BANP: variants seen among roughly 807,000 people sequenced by gnomAD.
The protein encoded by BANP is BTG3 associated nuclear protein.
Under a neutral mutation model 68.1 loss-of-function variants are expected in BANP, and 11 were observed. The ratio of observed to expected loss-of-function variants is 0.16; its 90% CI spans 0.10 to 0.27. The LOEUF (loss-of-function observed/expected upper bound fraction) is 0.27, where lower values mean the gene tolerates loss of function less well. Among genes scored for constraint, BANP ranks in the 10% least tolerant of loss-of-function variants. The pLI, the probability that BANP is intolerant of heterozygous loss-of-function variation, is 1.00. For missense variants in BANP, 504 were observed against 722.7 expected, an observed-to-expected ratio of 0.70 and a Z score of 3.47; for synonymous variants, 329 against 303.2, an observed-to-expected ratio of 1.09 and a Z score of -0.88.
intron 4 of BANP, among the ~76,000 whole-genome samples, chr16:87,996,481 G>C (rs953261388): frequency 1.2e-5 from 1 of 80,316 alleles, no homozygotes; most frequent in African/African-American, 5.0e-5. Context: ...GGTTCTGAGT[G>C]TTGCTGGGCC....
intron 1 of BANP, among the ~76,000 whole-genome samples, chr16:87,972,659 C>G (rs540071855): frequency 2.0e-5 from 3 of 152,108 alleles, no homozygotes; most frequent in African/African-American, 7.2e-5. Flanking sequence ...TGGGTTCTTT[C>G]CTGTGTTGTT....
chr16:87,980,601 G>GT, intron 2 of BANP: 1 of 204,334 alleles, frequency 4.9e-6, no homozygotes, highest in South Asian at 7.6e-5. Context: ...GATATTCAGT[G>GT]TATTTTTTCC....
intron 4 of BANP, among the ~76,000 whole-genome samples, chr16:87,995,520 C>G (rs1300013509): frequency 2.6e-5 from 4 of 152,138 alleles, no homozygotes; most frequent in Non-Finnish European, 5.9e-5. Flanking sequence ...TGTTGAAATA[C>G]TTTTCCTTGA....
Position 88,064,724 on chromosome 16 carries a change from G to C in BANP, c.1312-543G>C, listed in dbSNP as rs905522547. The stretch of plus-strand genomic sequence containing the variant: ...GGAGCTCTCATGGCTGGCAGTGCCA[G>C]ATGGGAGCCTGGTGCCTTCATGCGG... On this transcript the variant is annotated intron_variant, in intron 11 of 13. Transcript: ENST00000682872. The surrounding 1 kb of genome is among the most constrained non-coding windows in gnomAD (Gnocchi z 4.5). Among the ~76,000 whole-genome samples, 1 of 152,216 alleles carries C rather than the reference G, an allele frequency of 6.6e-6. No homozygotes were observed.
rs547530527 is a variant in BANP at position 88,030,117 on chromosome 16, T to A, written c.1063+2467T>A. Among the ~76,000 whole-genome samples, 6 of 152,322 alleles carry A rather than the reference T, an allele frequency of 3.9e-5. No individual in the cohort carries two copies. The East Asian group carries it at 1.2e-3, about 29-fold the overall frequency. On this transcript the variant is annotated intron_variant, in intron 8 of 13. Transcript: ENST00000682872. ...TTAAGACAGCCTGAGAAAGATCACA[T>A]TGAACCACAAGTAACAACACTTTTA...
At chr16:87,968,449 A>T (rs1292871483) in intron 1 of BANP, among the ~76,000 whole-genome samples, 1 of 146,484 alleles carries the variant, frequency 6.8e-6, no homozygotes, top group African/African-American at 2.6e-5. Flanking sequence ...GTGCCATTGC[A>T]CTCCAGCCTG....
At chr16:87,969,252 TTGTTG>T (rs200416721) in intron 1 of BANP, among the ~76,000 whole-genome samples, 3,014 of 152,176 alleles carry the variant, frequency 0.02, 90 homozygotes, top group African/African-American at 0.068. Context: ...GTTGTTGTTG[TTGTTG>T]TTTGTATGTA....
At position 88,069,845 on chromosome 16, in the gene BANP, A is replaced by AT. The variant is rs899335588; in HGVS notation, c.1378-2214dup. 7.2e-4 allele frequency among the ~76,000 whole-genome samples: 107 copies of AT among 149,424 alleles called. No homozygotes were observed. The East Asian group carries it at 0.014, about 20-fold the overall frequency. On this transcript the variant is annotated intron_variant, in intron 12 of 13. Transcript: ENST00000682872. ...ACTATGAGGATCCACTTATACGTGC[A>AT]TTTTTTTTTTCAGTAAAAATTATAC...
Position 88,072,110 on chromosome 16 carries a change from C to T in BANP, c.1419C>T (p.Asp473=). Residue 473 remains aspartate (D), a synonymous_variant, in exon 13 of 14, where the codon GAC becomes GAT. Coordinates refer to ENST00000682872, the MANE Select transcript of BANP (RefSeq NM_001386991.1). ...GAQLIAVASS[D]PAAAGVDGSP... is the part of the protein sequence containing the mutation. Reference sequence around the variant, plus strand: ...AGCTGATCGCCGTGGCCTCCTCGGACCCCGCGGCGGCGGGCGTGGATGGGT... The same window carrying T: ...AGCTGATCGCCGTGGCCTCCTCGGATCCCGCGGCGGCGGGCGTGGATGGGT... 5 of 1,604,510 alleles carry T rather than the reference C, an allele frequency of 3.1e-6. No individual in the cohort carries two copies. Among genetic ancestry groups the T allele is most frequent in the Non-Finnish European group, 2.5e-6 (3 of 1,176,826 alleles).
chr16:88,043,575 T>G (rs2081304577), intron 11 of BANP, among the ~76,000 whole-genome samples: 1 of 152,154 alleles, frequency 6.6e-6, no homozygotes, highest in African/African-American at 2.4e-5. Context: ...TCGGAATGAT[T>G]TAGGTAGAGG....
At chr16:88,076,560 T>C (rs776551558) in intron 13 of BANP, 30 bp from the exon 14 acceptor site, 3 of 1,603,834 alleles carry the variant, frequency 1.9e-6, no homozygotes, top group Middle Eastern at 1.7e-4. Context: ...GGTATTTTTC[T>C]AGAAAGTCCC....
chr16:88,054,763 C>T (rs1473372538), intron 11 of BANP, among the ~76,000 whole-genome samples: 2 of 152,220 alleles, frequency 1.3e-5, no homozygotes, highest in Non-Finnish European at 2.9e-5. Flanking sequence ...GTGGGCATGG[C>T]TTCTGTCCTT....
chr16:88,072,253 A>G (rs886770826), intron 13 of BANP, 41 bp downstream of exon 13: 7 of 1,566,698 alleles, frequency 4.5e-6, no homozygotes, highest in Non-Finnish European at 5.2e-6. Context: ...AAGTGATGGC[A>G]TGGCCGCCTG....
intron 3 of BANP, among the ~76,000 whole-genome samples, chr16:87,982,939 C>T (rs544746882): frequency 6.6e-6 from 1 of 152,312 alleles, no homozygotes; most frequent in East Asian, 1.9e-4. Context: ...TTGGGAAAGC[C>T]GTTCCGGCTC....
At chr16:88,042,629 A>T (rs550143407) in intron 11 of BANP, among the ~76,000 whole-genome samples, 6 of 152,246 alleles carry the variant, frequency 3.9e-5, no homozygotes, top group Admixed American at 6.5e-5. Flanking sequence ...CTGAATATTT[A>T]AAAAAAATGT....
At chr16:87,972,019 T>C (rs11648162) in intron 1 of BANP, among the ~76,000 whole-genome samples, 102,689 of 151,808 alleles carry the variant, frequency 0.68, 35,560 homozygotes, top group African/African-American at 0.8. Context: ...TCTTGAGCTA[T>C]CAACCTCAAA....
chr16:88,013,092 G>A (rs2073602933), intron 6 of BANP, among the ~76,000 whole-genome samples: 1 of 152,244 alleles, frequency 6.6e-6, no homozygotes, highest in African/African-American at 2.4e-5. Flanking sequence ...TCTAGGAAGA[G>A]ACACTAGAAA....
intron 11 of BANP, 59 bp downstream of exon 11, chr16:88,038,070 C>A (rs941360581): frequency 1.3e-6 from 2 of 1,532,382 alleles, no homozygotes; most frequent in Non-Finnish European, 8.9e-7. Context: ...ATGGGGTTCT[C>A]AGGGGAGGGG....
chr16:87,979,804 C>G (rs1039552129), intron 2 of BANP, among the ~76,000 whole-genome samples: 2 of 152,178 alleles, frequency 1.3e-5, no homozygotes, highest in Non-Finnish European at 2.9e-5. Context: ...TAGTCACACA[C>G]TGGTATTACT....
Sources: allele counts gnomAD v4.1 joint callset (sites outside exome capture counted in the v4.1 genomes callset), GRCh38; gene constraint gnomAD v4.1.1; non-coding constraint Gnocchi (gnomAD v3.1); transcripts MANE v1.5; gene names NCBI Gene and HGNC (gene_info 2026-07-23, HGNC 2026-07-21).